Variants in RBMS2 observed in about 807,000 individuals in gnomAD.
RBMS2 encodes RNA-binding motif, single-stranded-interacting protein 2.
In RBMS2, 38 loss-of-function variants were observed where a neutral mutation model predicts 58.4. The observed-to-expected ratio is 0.65, with a 90% CI of 0.50 to 0.85. The LOEUF (loss-of-function observed/expected upper bound fraction) is 0.85, where lower values mean the gene tolerates loss of function less well. Among genes scored for constraint, RBMS2 ranks in the 40% least tolerant of loss-of-function variants. RBMS2 has a pLI of 0.00. For synonymous variants in RBMS2, 151 were observed against 180.7 expected, an observed-to-expected ratio of 0.84 and a Z score of 1.32; for missense variants, 367 against 503.7, an observed-to-expected ratio of 0.73 and a Z score of 2.60.
intron 9 of RBMS2, among the ~76,000 whole-genome samples, chr12:56,585,910 C>G (rs1425750156): frequency 6.6e-6 from 1 of 152,214 alleles, no homozygotes; most frequent in Non-Finnish European, 1.5e-5. Context: ...TGGCCTTGCA[C>G]TGTGGCTCAT....
chr12:56,588,619 T>TAA, intron 12 of RBMS2: 16 of 494,268 alleles, frequency 3.2e-5, no homozygotes, highest in South Asian at 1.0e-4. Flanking sequence ...GTTCCATATT[T>TAA]AAAAAAAAAA....
chr12:56,579,574 T>C (rs919534518), intron 5 of RBMS2, among the ~76,000 whole-genome samples: 1 of 148,122 alleles, frequency 6.8e-6, no homozygotes, highest in Admixed American at 6.8e-5. Context: ...GCAGAGCTTG[T>C]AGTGAGCCGA....
At chr12:56,588,864 T>G in intron 12 of RBMS2, 68 bp from the exon 13 acceptor site, 1 of 1,513,794 alleles carries the variant, frequency 6.6e-7, no homozygotes, top group Non-Finnish European at 9.2e-7. Context: ...TGGGCTTTGG[T>G]CAGGCTGCTG....
chr12:56,535,707 T>G (rs570731708), intron 1 of RBMS2, among the ~76,000 whole-genome samples: 37 of 152,124 alleles, frequency 2.4e-4, no homozygotes, highest in Middle Eastern at 3.4e-3. Context: ...CCTGCTCTTC[T>G]CCTCCCTGCC....
At position 56,568,854 on chromosome 12, in the gene RBMS2, AG is replaced by A. The variant is rs571425365; in HGVS notation, c.234-119del. ...CCCCGTTTCTTTTTTATTTTTATGA[AG>A]GTTTGAGTAGGAAAAGTTAGATCAT... On this transcript the variant is annotated intron_variant, in intron 2 of 13. Transcript: ENST00000262031. 361 of 811,022 alleles carry A rather than the reference AG, an allele frequency of 4.5e-4. 1 individual carries two copies. In the African/African-American group the frequency reaches 5.5e-3, roughly 12 times the overall value. The allele number at this position is 811,022 out of a possible 1,614,324, so 50.2% of individuals were successfully genotyped here. A position where few individuals can be genotyped will look rare whatever the true frequency, so the allele number is the denominator to read the frequency against.
intron 1 of RBMS2, among the ~76,000 whole-genome samples, chr12:56,536,923 T>TG (rs1874998250): frequency 7.5e-6 from 1 of 133,992 alleles, no homozygotes; most frequent in African/African-American, 3.0e-5. Context: ...CATCTTGAAC[T>TG]TTTTTTTTTT....
intron 1 of RBMS2, among the ~76,000 whole-genome samples, chr12:56,537,848 C>CT (rs56179535): frequency 9.0e-5 from 12 of 132,864 alleles, no homozygotes; most frequent in African/African-American, 2.2e-4. Flanking sequence ...TGTTTTCTGC[C>CT]TTTTTTTTTT....
rs1389213548 is a variant in RBMS2 at position 56,594,335 on chromosome 12, TTC to T, written c.*5204_*5205del. 31 of 152,362 alleles carry T rather than the reference TTC, an allele frequency of 2.0e-4. No homozygotes were observed. The highest frequency in any genetic ancestry group is 7.5e-4 in the African/African-American group (31 of 41,592). 9.4% of individuals were successfully genotyped at this position (152,362 alleles called of 1,614,324 possible). On this transcript the variant is annotated 3_prime_UTR_variant, in exon 14 of 14. Transcript: ENST00000262031. Reference sequence around the variant, plus strand: ...CATTGCGCTCATGAGGGGCTTTGCATTCTTAGCCAAGGGCAATAAACTGGGTG... The same window carrying T: ...CATTGCGCTCATGAGGGGCTTTGCATTTAGCCAAGGGCAATAAACTGGGTG...
intron 5 of RBMS2, chr12:56,580,418 A>C (rs1883783500): frequency 3.3e-6 from 1 of 304,318 alleles, no homozygotes; most frequent in African/African-American, 2.3e-5. Flanking sequence ...TTTTTAGTAG[A>C]GATGGGGTTT....
intron 1 of RBMS2, among the ~76,000 whole-genome samples, chr12:56,524,868 C>T (rs1479470687): frequency 2.0e-5 from 3 of 151,246 alleles, no homozygotes; most frequent in African/African-American, 7.3e-5. Flanking sequence ...TACAGGTGCC[C>T]GCCACCACGC....
chr12:56,535,555 C>T (rs368134764), intron 1 of RBMS2, among the ~76,000 whole-genome samples: 3 of 151,514 alleles, frequency 2.0e-5, no homozygotes, highest in African/African-American at 4.8e-5. Context: ...ACCCGTATGA[C>T]GGAACTCTCA....
rs1284576093 is a variant in RBMS2, at chr12:56,547,121, G to A, written c.67-15296G>A. ...TCCTAGCACTTTGGGAGGCCAAGGC[G>A]GGTGGCATCATTTGAGGTCAGGAGT... On this transcript the variant is annotated intron_variant, in intron 1 of 13. Transcript: ENST00000262031. Among the ~76,000 whole-genome samples the A allele has an allele frequency of 4.0e-5, 6 of 150,710 alleles. No homozygotes were observed. The South Asian group carries it at 6.4e-4, about 16-fold the overall frequency.
intron 1 of RBMS2, among the ~76,000 whole-genome samples, chr12:56,532,623 T>C (rs940612784): frequency 6.6e-6 from 1 of 152,182 alleles, no homozygotes. Flanking sequence ...CTTCTTCCCT[T>C]TACAGTAAAA....
chr12:56,569,938 A>C lies in RBMS2; in HGVS notation c.332A>C (p.Gln111Pro). 1 of 1,614,090 alleles carries C rather than the reference A, an allele frequency of 6.2e-7. No individual in the cohort carries two copies. ...FVDFDSPSAA[Q>P]KAVTALKASG... ...GATTTTGACAGCCCTTCAGCAGCAC[A>C]GAAAGCTGTAACAGCACTGAAGGCC... The change falls in exon 4 of 14, where the codon CAG (glutamine) becomes CCG (proline). Residue 111 changes from glutamine to proline, a missense_variant. Gln to Pro is a moderately conservative substitution (Grantham distance 76). Around this residue, in one of 3 missense-constraint regions of RBMS2, gnomAD observed 93 missense variants for 132.2 expected, o/e 0.70. Coordinates refer to ENST00000262031, the MANE Select transcript of RBMS2 (RefSeq NM_002898.4).
At chr12:56,561,530 G>A (rs1341971956) in intron 1 of RBMS2, among the ~76,000 whole-genome samples, 1 of 151,854 alleles carries the variant, frequency 6.6e-6, no homozygotes, top group African/African-American at 2.4e-5. Flanking sequence ...TTTTTGAGAT[G>A]GAGTCTCGCC....
At chr12:56,563,059 C>T (rs1880727973) in intron 2 of RBMS2, among the ~76,000 whole-genome samples, 1 of 152,076 alleles carries the variant, frequency 6.6e-6, no homozygotes, top group Non-Finnish European at 1.5e-5. Context: ...GGAGGCTGAG[C>T]TTGCAGTGAG....
intron 1 of RBMS2, among the ~76,000 whole-genome samples, chr12:56,553,397 C>G (rs568539141): frequency 5.3e-5 from 8 of 152,050 alleles, no homozygotes; most frequent in Non-Finnish European, 8.8e-5. Flanking sequence ...GGTGTGATCT[C>G]TACTCACTAC....
At position 56,581,239 on chromosome 12, in the gene RBMS2, A is replaced by G; in HGVS notation, c.598A>G (p.Ile200Val). The G allele has an allele frequency of 6.2e-7, 1 of 1,607,556 alleles. No homozygotes were observed. The highest frequency in any genetic ancestry group is 8.5e-7 in the Non-Finnish European group (1 of 1,174,030). ...AIITHFNGKY[I>V]KTPPGVPAPS... is the part of the protein sequence containing the mutation. ...CATCACCCACTTTAATGGAAAATAT[A>G]TTAAGACACCCCCTGGAGTACCAGG... is the stretch of plus-strand genomic sequence containing the variant. Residue 200 changes from isoleucine to valine, a missense_variant, in exon 6 of 14, where the codon ATT becomes GTT. Coordinates refer to ENST00000262031, the MANE Select transcript of RBMS2 (RefSeq NM_002898.4).
chr12:56,545,551 T>A (rs1273385552), intron 1 of RBMS2, among the ~76,000 whole-genome samples: 1 of 152,192 alleles, frequency 6.6e-6, no homozygotes, highest in Non-Finnish European at 1.5e-5. Context: ...AAGGAAATCC[T>A]ACCCACTTAC....
Sources: allele counts gnomAD v4.1 joint callset (sites outside exome capture counted in the v4.1 genomes callset), GRCh38; gene constraint gnomAD v4.1.1; regional missense constraint gnomAD v4.1.1; transcripts MANE v1.5; gene names NCBI Gene and HGNC (gene_info 2026-07-23, HGNC 2026-07-21).